Variants in FAM169A observed in about 807,000 individuals in gnomAD.
FAM169A encodes the protein family with sequence similarity 169 member A.
FAM169A carries 24 observed loss-of-function variants against 75.7 expected under a neutral mutation model. The ratio of observed to expected loss-of-function variants is 0.32; its 90% CI spans 0.23 to 0.45. FAM169A has a LOEUF of 0.45. FAM169A is among the 20% of genes least tolerant of loss of function. The probability of loss-of-function intolerance (pLI) is 1.00; values close to 1 mark genes in which losing one functional copy is unlikely to be tolerated. For synonymous variants in FAM169A, 271 were observed against 271.0 expected, an observed-to-expected ratio of 1.00 and a Z score of 0.00; for missense variants, 673 against 784.0, an observed-to-expected ratio of 0.86 and a Z score of 1.69.
chr5:74,806,385 T>A (rs1746884404), intron 6 of FAM169A, among the ~76,000 whole-genome samples: 1 of 152,200 alleles, frequency 6.6e-6, no homozygotes, highest in South Asian at 2.1e-4. Flanking sequence ...TGACCTCACA[T>A]CAACATAAAT....
At chr5:74,817,768 CTAGAG>C (rs1456203622) in intron 5 of FAM169A, among the ~76,000 whole-genome samples, 1 of 152,036 alleles carries the variant, frequency 6.6e-6, no homozygotes, top group Non-Finnish European at 1.5e-5. Context: ...TACTACAAAG[CTAGAG>C]TAATCAGGAC....
chr5:74,778,663 A>G lies in FAM169A; in HGVS notation c.*2797T>C, dbSNP rs1745246449. ...GAGGAGCTTTATAATAAATTCTTAA[A>G]TATACTAATTTCTGTGATGTCTAGC... On this transcript the variant is annotated 3_prime_UTR_variant, in exon 13 of 13. Transcript: ENST00000687041. 6.6e-6 allele frequency: 1 copy of G among 152,108 alleles called. No individual in the cohort carries two copies. The highest frequency in any genetic ancestry group is 6.5e-5 in the Admixed American group (1 of 15,278). 9.4% of individuals were successfully genotyped at this position (152,108 alleles called of 1,614,324 possible).
intron 10 of FAM169A, chr5:74,799,556 A>C: frequency 6.6e-7 from 1 of 1,520,462 alleles, no homozygotes; most frequent in Non-Finnish European, 9.1e-7. Context: ...TGGGACAGCA[A>C]GATGCTTTTT....
chr5:74,811,369 G>A (rs1031972349), intron 6 of FAM169A, among the ~76,000 whole-genome samples: 7 of 152,280 alleles, frequency 4.6e-5, no homozygotes, highest in Non-Finnish European at 1.0e-4. Context: ...TGCCTGCAGT[G>A]GATGTCTTTG....
chr5:74,793,296 G>C (rs888222555), intron 11 of FAM169A, among the ~76,000 whole-genome samples: 1 of 146,990 alleles, frequency 6.8e-6, no homozygotes, highest in African/African-American at 2.5e-5. Context: ...CTGCACTCCA[G>C]CCTGGAGACA....
chr5:74,784,510 C>CAAAAAAAAAAAAAAAA lies in FAM169A; in HGVS notation c.1261-1392_1261-1377dup, dbSNP rs200414695. On this transcript the variant is annotated intron_variant, in intron 11 of 12. Transcript: ENST00000687041. ...AGGGAGACAGAGCAAGACTCCGTCT[C>CAAAAAAAAAAAAAAAA]AAAAAAAAAAAAAAAAAAACAAGAA... is the stretch of plus-strand genomic sequence containing the variant. Among the ~76,000 whole-genome samples the CAAAAAAAAAAAAAAAA allele has an allele frequency of 8.7e-4, 26 of 29,858 alleles. 3 individuals are homozygous for CAAAAAAAAAAAAAAAA. The highest frequency in any genetic ancestry group is 3.9e-3 in the African/African-American group (19 of 4,894). 19.6% of individuals were successfully genotyped at this position (29,858 alleles called of 152,430 possible).
In FAM169A at chr5:74,778,996, TGA is replaced by T. The variant is rs1745269008; in HGVS notation, c.*2462_*2463del. 6.6e-6 allele frequency: 1 copy of T among 152,136 alleles called. No individual in the cohort carries two copies. Among genetic ancestry groups the T allele is most frequent in the Non-Finnish European group, 1.5e-5 (1 of 67,968 alleles). 9.4% of individuals were successfully genotyped at this position (152,136 alleles called of 1,614,324 possible). ...AATTCTATACTCAAGTTACTGAACA[TGA>T]GAGTTAGGTTTTTCCAAGTGATCTA... On this transcript the variant is annotated 3_prime_UTR_variant, in exon 13 of 13. Transcript: ENST00000687041.
intron 1 of FAM169A, among the ~76,000 whole-genome samples, chr5:74,853,633 T>C (rs552561581): frequency 6.6e-6 from 1 of 152,102 alleles, no homozygotes; most frequent in Non-Finnish European, 1.5e-5. Flanking sequence ...AGGAGTTAAG[T>C]GTTTTCAAAC....
chr5:74,780,385 T>C lies in FAM169A; in HGVS notation c.*1075A>G, dbSNP rs3733794. Reference sequence around the variant, plus strand: ...TACCCAAAAATGGACATCAAGGGCATAAGCCGGCAGGCAGGAAGATCTGTT... The same window carrying C: ...TACCCAAAAATGGACATCAAGGGCACAAGCCGGCAGGCAGGAAGATCTGTT... On this transcript the variant is annotated 3_prime_UTR_variant, in exon 13 of 13. Transcript: ENST00000687041. 0.23 allele frequency: 35,345 copies of C among 152,184 alleles called. 4,335 individuals are homozygous for C. The highest frequency in any genetic ancestry group is 0.3 in the Middle Eastern group (89 of 294). The allele number at this position is 152,184 out of a possible 1,614,324, so 9.4% of individuals were successfully genotyped here.
intron 1 of FAM169A, among the ~76,000 whole-genome samples, chr5:74,857,472 C>CGGGAGGCAGAGGTTGCA (rs929134162): frequency 6.9e-6 from 1 of 144,998 alleles, no homozygotes; most frequent in Non-Finnish European, 1.5e-5. Flanking sequence ...GGCTTGAGTC[C>CGGGAGGCAGAGGTTGCA]GGGAGGCAGA....
intron 11 of FAM169A, among the ~76,000 whole-genome samples, chr5:74,786,711 G>A (rs1464325411): frequency 6.6e-6 from 1 of 152,182 alleles, no homozygotes; most frequent in Non-Finnish European, 1.5e-5. Context: ...AAAGCCCCAA[G>A]TGAGAGTCTT....
chr5:74,832,443 T>C lies in FAM169A; in HGVS notation c.490+1983A>G, dbSNP rs141055243. Reference sequence around the variant, plus strand: ...CTATCAAGGCTATTCTATGTCCTAATAGCCCCATAAACTTATTTGCTATTT... The same window carrying C: ...CTATCAAGGCTATTCTATGTCCTAACAGCCCCATAAACTTATTTGCTATTT... On this transcript the variant is annotated intron_variant, in intron 5 of 12. Transcript: ENST00000687041. Among the ~76,000 whole-genome samples the C allele has an allele frequency of 5.3e-5, 8 of 151,940 alleles. No homozygotes were observed. In the East Asian group the frequency reaches 9.6e-4, roughly 18 times the overall value.
At chr5:74,856,732 G>A (rs1749725399) in intron 1 of FAM169A, among the ~76,000 whole-genome samples, 1 of 150,500 alleles carries the variant, frequency 6.6e-6, no homozygotes, top group Non-Finnish European at 1.5e-5. Context: ...TTCCATCTAG[G>A]GAGGGAAAAA....
At chr5:74,856,521 G>A (rs1411942401) in intron 1 of FAM169A, among the ~76,000 whole-genome samples, 2 of 151,766 alleles carry the variant, frequency 1.3e-5, no homozygotes, top group African/African-American at 4.8e-5. Context: ...TTTATTCCTA[G>A]GTATTTTGTT....
At chr5:74,841,758 A>G (rs996489994) in intron 1 of FAM169A, 79 bp from the exon 2 acceptor site, 1 of 1,231,262 alleles carries the variant, frequency 8.1e-7, no homozygotes, top group Admixed American at 2.4e-5. Context: ...AAATTTTACT[A>G]CAATGTTGCC....
chr5:74,807,223 A>C (rs1274569803), intron 6 of FAM169A, among the ~76,000 whole-genome samples: 2 of 152,166 alleles, frequency 1.3e-5, no homozygotes, highest in Non-Finnish European at 2.9e-5. Context: ...AGCCTCACTT[A>C]CCTTAAATGT....
intron 6 of FAM169A, among the ~76,000 whole-genome samples, chr5:74,806,552 T>C (rs1412011560): frequency 6.6e-6 from 1 of 152,212 alleles, no homozygotes; most frequent in East Asian, 1.9e-4. Context: ...ATTTAAAACC[T>C]AGTATATCAG....
intron 1 of FAM169A, among the ~76,000 whole-genome samples, chr5:74,851,324 T>C (rs1749434737): frequency 6.6e-6 from 1 of 152,188 alleles, no homozygotes; most frequent in Admixed American, 6.6e-5. Context: ...GCCTCCATCC[T>C]AATTCCAAGG....
intron 5 of FAM169A, among the ~76,000 whole-genome samples, chr5:74,827,033 A>C (rs768385108): frequency 6.6e-6 from 1 of 152,126 alleles, no homozygotes; most frequent in Non-Finnish European, 1.5e-5. Flanking sequence ...ATGAACTGAG[A>C]TCATAAATTT....
Sources: allele counts gnomAD v4.1 joint callset (sites outside exome capture counted in the v4.1 genomes callset), GRCh38; gene constraint gnomAD v4.1.1; transcripts MANE v1.5; gene names NCBI Gene and HGNC (gene_info 2026-07-23, HGNC 2026-07-21).